The following DOCK3 variants were observed in gnomAD, a reference collection of about 807,000 sequenced individuals.
The protein encoded by DOCK3 is dedicator of cytokinesis 3, also known as dedicator of cytokinesis protein 3.
Under a neutral mutation model 265.6 loss-of-function variants are expected in DOCK3, and 60 were observed. The observed-to-expected ratio is 0.23, with a 90% CI of 0.18 to 0.28. DOCK3 has a LOEUF of 0.28. DOCK3 is among the 10% of genes least tolerant of loss of function. The pLI, the probability that DOCK3 is intolerant of heterozygous loss-of-function variation, is 1.00. For synonymous variants in DOCK3, 881 were observed against 938.0 expected (o/e 0.94, Z 1.11); for missense variants, 1,981 against 2,594.3 (o/e 0.76, Z 5.14).
rs2086090887 is a variant in DOCK3, at chr3:51,160,830, A to G, written c.1037+128A>G. 4.3e-6 allele frequency: 5 copies of G among 1,174,908 alleles called. No homozygotes were observed. In the African/African-American group the frequency reaches 6.3e-5, roughly 15 times the overall value. 72.8% of individuals were successfully genotyped at this position (1,174,908 alleles called of 1,614,324 possible). A position where few individuals can be genotyped will look rare whatever the true frequency, so the allele number is the denominator to read the frequency against. ...AGTGGCTCACGCCTGTATTCCCAAC[A>G]CTTTGGGAGGCCAAGGTGGGCAAAT... is the stretch of plus-strand genomic sequence containing the variant. On this transcript the variant is annotated intron_variant, in intron 12 of 52. Transcript: ENST00000266037.
intron 12 of DOCK3, among the ~76,000 whole-genome samples, chr3:51,185,170 A>G (rs919199019): frequency 6.6e-6 from 1 of 152,206 alleles, no homozygotes; most frequent in Non-Finnish European, 1.5e-5. Flanking sequence ...AAAACTAAGA[A>G]AATCTGAAAA....
intron 2 of DOCK3, among the ~76,000 whole-genome samples, chr3:50,835,962 G>A (rs1326470913): frequency 2.0e-5 from 3 of 152,052 alleles, no homozygotes; most frequent in Non-Finnish European, 4.4e-5. Flanking sequence ...AAAGAGCCAA[G>A]TATCCCCCCA....
intron 9 of DOCK3, among the ~76,000 whole-genome samples, chr3:51,110,987 G>A (rs2083490102): frequency 6.6e-6 from 1 of 152,134 alleles, no homozygotes; most frequent in South Asian, 2.1e-4. Flanking sequence ...CAAAGTTTCA[G>A]AATACAAAAT....
At chr3:50,676,601 C>T (rs897379152) in intron 1 of DOCK3, among the ~76,000 whole-genome samples, 47 of 151,996 alleles carry the variant, frequency 3.1e-4, no homozygotes, top group African/African-American at 1.0e-3. Flanking sequence ...TTCTCCATAA[C>T]TCGCTCCCAG....
rs548659119 is a variant in DOCK3, at chr3:51,051,740, C to T, written c.316-12708C>T. On this transcript the variant is annotated intron_variant, in intron 5 of 52. Transcript: ENST00000266037. ...AAAGAAAAGAGGTTTAATTGGCTCA[C>T]GGTTCTGCAGACTGTACAAGCAAGG... 8.8e-4 allele frequency among the ~76,000 whole-genome samples: 134 copies of T among 152,238 alleles called. 2 individuals carry two copies. The highest frequency in any genetic ancestry group is 2.7e-3 in the Admixed American group (41 of 15,286).
At chr3:51,159,938 A>G (rs962325099) in intron 11 of DOCK3, among the ~76,000 whole-genome samples, 1 of 152,218 alleles carries the variant, frequency 6.6e-6, no homozygotes, top group African/African-American at 2.4e-5. Flanking sequence ...ATCAAAGAAT[A>G]TTTTTTAATC....
intron 5 of DOCK3, among the ~76,000 whole-genome samples, chr3:51,008,178 G>T (rs2078766353): frequency 1.3e-5 from 2 of 152,178 alleles, no homozygotes; most frequent in African/African-American, 4.8e-5. Context: ...TTGGTAGCTT[G>T]ATGAGGATGG....
In DOCK3 at chr3:51,374,573, C is replaced by G; in HGVS notation, c.5398C>G (p.Leu1800Val). 1.8e-5 allele frequency: 29 copies of G among 1,612,600 alleles called. No individual in the cohort carries two copies. Among genetic ancestry groups the G allele is most frequent in the Non-Finnish European group, 2.5e-5 (29 of 1,179,356 alleles). Residue 1800 changes from leucine to valine, a missense_variant, in exon 50 of 53, where the codon CTG (leucine) becomes GTG (valine). Physicochemically the swap from Leu to Val is conservative, Grantham distance 32. This residue lies in a region of DOCK3 where 1,357 missense variants were observed against 1,866.8 expected (regional missense o/e 0.73). Coordinates refer to ENST00000266037, the MANE Select transcript of DOCK3 (RefSeq NM_004947.5). This position sits in a 1 kb window ranked among gnomAD's most constrained non-coding sequence, Gnocchi z 4.8. ...CAGTGCCATGTATCCAGCAGCCATC[C>G]TGGAGAACGGACAGGTAATAGACCC... is the stretch of plus-strand genomic sequence containing the variant. Reference protein sequence around the residue: ...PSSAMYPAAILENGQPPNFQR... With the variant: ...PSSAMYPAAIVENGQPPNFQR...
intron 9 of DOCK3, among the ~76,000 whole-genome samples, chr3:51,117,647 TTGG>T (rs965962483): frequency 1.3e-5 from 2 of 152,260 alleles, no homozygotes; most frequent in African/African-American, 4.8e-5. Context: ...TCAGAACTTG[TTGG>T]TCTATTCAGG....
chr3:50,731,072 C>T (rs1397131567), intron 1 of DOCK3, among the ~76,000 whole-genome samples: 1 of 149,976 alleles, frequency 6.7e-6, no homozygotes, highest in Non-Finnish European at 1.5e-5. Context: ...GCAGAGCTTG[C>T]AGTGAGCCGA....
Position 51,381,235 on chromosome 3 carries a change from T to C in DOCK3, c.5769T>C (p.Asn1923=). 6.2e-7 allele frequency: 1 copy of C among 1,613,870 alleles called. No homozygotes were observed. Among genetic ancestry groups the C allele is most frequent in the Non-Finnish European group, 8.5e-7 (1 of 1,179,854 alleles). The stretch of plus-strand genomic sequence containing the variant: ...ACTCCATGCCAAGTCAGGCCTGGAA[T>C]GCTGACGAAGATCTTGAGCCACCCT... The part of the protein sequence containing the change: ...TMDSMPSQAW[N]ADEDLEPPYL... Residue 1923 remains asparagine (N), a synonymous_variant, in exon 53 of 53, where the codon AAT becomes AAC. Coordinates refer to ENST00000266037, the MANE Select transcript of DOCK3 (RefSeq NM_004947.5). This position sits in a 1 kb window ranked among gnomAD's most constrained non-coding sequence, Gnocchi z 5.6.
chr3:50,765,491 G>T (rs2040819848), intron 1 of DOCK3, among the ~76,000 whole-genome samples: 1 of 152,004 alleles, frequency 6.6e-6, no homozygotes, highest in Admixed American at 6.6e-5. Context: ...TAAAGTATAG[G>T]CCTGAAAATG....
At chr3:50,993,219 T>G (rs1418565290) in intron 5 of DOCK3, among the ~76,000 whole-genome samples, 1 of 152,202 alleles carries the variant, frequency 6.6e-6, no homozygotes, top group Non-Finnish European at 1.5e-5. Flanking sequence ...TCCCCTTGGC[T>G]AAAAGAGCTG....
chr3:50,754,894 G>T (rs1364006280), intron 1 of DOCK3, among the ~76,000 whole-genome samples: 1 of 152,146 alleles, frequency 6.6e-6, no homozygotes, highest in Non-Finnish European at 1.5e-5. Flanking sequence ...AATGTGTAAA[G>T]CAGCTTGGTT....
At chr3:50,822,372 T>C (rs2044491743) in intron 2 of DOCK3, among the ~76,000 whole-genome samples, 1 of 150,140 alleles carries the variant, frequency 6.7e-6, no homozygotes, top group Non-Finnish European at 1.5e-5. Context: ...CCTTAAACTT[T>C]GATAAATTGG....
intron 9 of DOCK3, among the ~76,000 whole-genome samples, chr3:51,108,041 C>CT (rs755768442): frequency 0.038 from 5,395 of 142,200 alleles, 231 homozygotes; most frequent in African/African-American, 0.11. Flanking sequence ...ATTCAACATT[C>CT]TTTTTTTTTT....
At chr3:51,007,814 G>T (rs2078745960) in intron 5 of DOCK3, among the ~76,000 whole-genome samples, 1 of 152,100 alleles carries the variant, frequency 6.6e-6, no homozygotes. Context: ...GTAAGGAAGG[G>T]CTCCAGTTTC....
intron 3 of DOCK3, among the ~76,000 whole-genome samples, chr3:50,849,319 G>A (rs1047826172): frequency 4.6e-5 from 7 of 151,852 alleles, no homozygotes; most frequent in South Asian, 2.1e-4. Flanking sequence ...ACAGGTGGGC[G>A]CCACCATGCC....
At chr3:51,169,573 C>G (rs1260687808) in intron 12 of DOCK3, among the ~76,000 whole-genome samples, 1 of 151,968 alleles carries the variant, frequency 6.6e-6, no homozygotes. Flanking sequence ...ACAGCAGACA[C>G]CGGGGCCCAC....
Sources: gnomAD v4.1 joint callset for allele counts (sites outside exome capture counted in the v4.1 genomes callset) on GRCh38, gnomAD v4.1.1 for gene constraint, gnomAD v4.1.1 regional missense constraint, Gnocchi (gnomAD v3.1) non-coding constraint, MANE v1.5 for transcripts, NCBI Gene and HGNC (gene_info 2026-07-23, HGNC 2026-07-21) for gene names.